AADAT: variants seen among roughly 807,000 people sequenced by gnomAD.
AADAT encodes the protein kynurenine/alpha-aminoadipate aminotransferase, mitochondrial.
Under a neutral mutation model 56.2 loss-of-function variants are expected in AADAT, and 25 were observed. The ratio of observed to expected loss-of-function variants is 0.44; its 90% CI spans 0.32 to 0.62. The LOEUF (loss-of-function observed/expected upper bound fraction) is 0.62, where lower values mean the gene tolerates loss of function less well. AADAT is among the 20% of genes least tolerant of loss of function. The probability of loss-of-function intolerance (pLI) is 0.04; values close to 1 mark genes in which losing one functional copy is unlikely to be tolerated. For synonymous variants in AADAT, 173 were observed against 164.7 expected (o/e 1.05, Z -0.39); for missense variants, 387 against 510.5 (o/e 0.76, Z 2.33).
chr4:170,083,680 C>T (rs1310048506), intron 3 of AADAT, among the ~76,000 whole-genome samples: 1 of 152,078 alleles, frequency 6.6e-6, no homozygotes, highest in Non-Finnish European at 1.5e-5. Flanking sequence ...CTCAAAACCA[C>T]AATGAGATAT....
chr4:170,080,342 C>G (rs1367216849), intron 3 of AADAT, among the ~76,000 whole-genome samples: 2 of 152,120 alleles, frequency 1.3e-5, no homozygotes, highest in Non-Finnish European at 2.9e-5. Context: ...AAAAACTCCC[C>G]CTAATTCACG....
chr4:170,093,944 C>T (rs1732938374), upstream of AADAT, among the ~76,000 whole-genome samples: 1 of 152,110 alleles, frequency 6.6e-6, no homozygotes, highest in African/African-American at 2.4e-5. Context: ...TTTTTTTACC[C>T]CCTTTCCAAT....
At chr4:170,085,178 T>C (rs978324038) in intron 3 of AADAT, among the ~76,000 whole-genome samples, 11 of 152,240 alleles carry the variant, frequency 7.2e-5, no homozygotes, top group Non-Finnish European at 1.5e-4. Flanking sequence ...ATTGACTATA[T>C]TATCAGTAAG....
intron 12 of AADAT, 106 bp from the exon 13 acceptor site, chr4:170,061,075 G>T: frequency 1.3e-6 from 1 of 759,430 alleles, no homozygotes; most frequent in South Asian, 2.7e-5. Flanking sequence ...CTAAGGTTGA[G>T]AGAAGGCATT....
At chr4:170,090,087 G>A (rs1036570755), upstream of AADAT, 2 of 149,244 alleles carry the variant, frequency 1.3e-5, no homozygotes, top group Non-Finnish European at 3.0e-5. Context: ...TCAGAGCGCA[G>A]GGCGCGGGGT....
intron 2 of AADAT, 149 bp downstream of exon 2, chr4:170,088,247 T>G (rs1732657082): frequency 1.4e-6 from 1 of 722,748 alleles, no homozygotes. Flanking sequence ...TGACTGAGTA[T>G]TTGGTCATTG....
At chr4:170,083,472 A>C (rs1252926876) in intron 3 of AADAT, among the ~76,000 whole-genome samples, 1 of 152,134 alleles carries the variant, frequency 6.6e-6, no homozygotes, top group Non-Finnish European at 1.5e-5. Context: ...ACTTCAAGGA[A>C]CTAGAACAAC....
chr4:170,069,354 C>T, intron 6 of AADAT, 124 bp from the exon 7 acceptor site: 2 of 673,358 alleles, frequency 3.0e-6, no homozygotes, highest in Non-Finnish European at 2.4e-6. Context: ...ATTCTCTTAC[C>T]TTTATTTCAA....
chr4:170,069,093 G>T, intron 7 of AADAT, 55 bp downstream of exon 7: 1 of 1,440,068 alleles, frequency 6.9e-7, no homozygotes, highest in Non-Finnish European at 9.6e-7. Context: ...AGATACTGAG[G>T]TACTATCTCT....
At chr4:170,068,234 G>A (rs1308306452) in intron 8 of AADAT, among the ~76,000 whole-genome samples, 2 of 151,758 alleles carry the variant, frequency 1.3e-5, no homozygotes, top group Admixed American at 1.3e-4. Flanking sequence ...TCTCCAACTT[G>A]GTAAAACATG....
upstream of AADAT, among the ~76,000 whole-genome samples, chr4:170,092,666 C>G (rs1732902880): frequency 6.6e-6 from 1 of 152,204 alleles, no homozygotes; most frequent in African/African-American, 2.4e-5. Flanking sequence ...CATTTGATGG[C>G]TTAATAGCTG....
Position 170,064,684 on chromosome 4 carries a change from C to T in AADAT, c.1134+35G>A, listed in dbSNP as rs1731359304. The T allele has an allele frequency of 3.3e-6, 5 of 1,507,298 alleles. No individual in the cohort carries two copies. In the South Asian group the frequency reaches 4.9e-5, roughly 15 times the overall value. 93.4% of individuals were successfully genotyped at this position (1,507,298 alleles called of 1,614,324 possible). ...TATTAAAGAAAAAGTATAACTTTTCCTTAGGTTTCCCAGCCCTTCACCTCC... is the reference window on the plus strand; with the variant it reads ...TATTAAAGAAAAAGTATAACTTTTCTTTAGGTTTCCCAGCCCTTCACCTCC... On this transcript the variant is annotated intron_variant, in intron 11 of 12. Coordinates refer to ENST00000337664, the MANE Select transcript of AADAT (RefSeq NM_016228.4).
chr4:170,081,019 C>G (rs1732276466), intron 3 of AADAT, among the ~76,000 whole-genome samples: 2 of 152,108 alleles, frequency 1.3e-5, no homozygotes, highest in African/African-American at 4.8e-5. Flanking sequence ...TTCAAAATAG[C>G]AGTTTTAAGA....
intron 4 of AADAT, 45 bp from the exon 5 acceptor site, chr4:170,073,390 G>GT (rs1731868036): frequency 2.0e-6 from 3 of 1,505,264 alleles, no homozygotes; most frequent in East Asian, 2.4e-5. Flanking sequence ...GATTACAAAT[G>GT]TAAGTGCTAT....
chr4:170,070,225 T>C (rs531023883), intron 6 of AADAT, among the ~76,000 whole-genome samples: 70 of 151,806 alleles, frequency 4.6e-4, no homozygotes, highest in African/African-American at 1.4e-3. Flanking sequence ...CGGCCAAAGA[T>C]GAAACTCAGT....
upstream of AADAT, among the ~76,000 whole-genome samples, chr4:170,093,857 G>A (rs551934997): frequency 2.6e-5 from 4 of 152,264 alleles, no homozygotes; most frequent in African/African-American, 7.2e-5. Flanking sequence ...TTTGGCCTCC[G>A]GAAGTGCTGA....
chr4:170,073,414 TTC>T, intron 4 of AADAT, 69 bp from the exon 5 acceptor site: 2 of 1,383,878 alleles, frequency 1.4e-6, no homozygotes, highest in Non-Finnish European at 9.8e-7. Context: ...TTTTTTTTTT[TTC>T]TTTCTAACTA....
At chr4:170,061,005 T>C in intron 12 of AADAT, 36 bp from the exon 13 acceptor site, 1 of 1,358,036 alleles carries the variant, frequency 7.4e-7, no homozygotes, top group Non-Finnish European at 1.0e-6. Context: ...TTAATTAAAT[T>C]AGGATACTAT....
At chr4:170,068,964 TTG>T (rs1731621725) in intron 7 of AADAT, among the ~76,000 whole-genome samples, 182 bp downstream of exon 7, 1 of 152,212 alleles carries the variant, frequency 6.6e-6, no homozygotes, top group Non-Finnish European at 1.5e-5. Context: ...CCAAGAATCT[TTG>T]ACTATTGCAG....
Sources: allele counts gnomAD v4.1 joint callset (sites outside exome capture counted in the v4.1 genomes callset), GRCh38; gene constraint gnomAD v4.1.1; transcripts MANE v1.5; gene names NCBI Gene and HGNC (gene_info 2026-07-23, HGNC 2026-07-21).